The following DNMT3A variants were observed in gnomAD, a reference collection of about 807,000 sequenced individuals.
DNMT3A encodes the protein DNA methyltransferase 3 alpha.
A neutral mutation model predicts 117.6 loss-of-function variants in DNMT3A; 267 were observed. That is an observed-to-expected ratio of 2.27 (90% CI 2.05 to 2.51). The LOEUF (loss-of-function observed/expected upper bound fraction) is 2.51. Among genes scored for constraint, DNMT3A ranks in the 30% most tolerant of loss-of-function variants. The pLI is 0.00. For synonymous variants in DNMT3A, 432 were observed against 474.8 expected (o/e 0.91, Z 1.17); for missense variants, 1,029 against 1,260.2 (o/e 0.82, Z 2.78).
In DNMT3A at chr2:25,327,678, A is replaced by C. The variant is rs1332550598; in HGVS notation, c.-177-13517T>G. Among the ~76,000 whole-genome samples, 2 of 152,238 alleles carry C rather than the reference A, an allele frequency of 1.3e-5. No individual in the cohort carries two copies. Among genetic ancestry groups the C allele is most frequent in the African/African-American group, 4.8e-5 (2 of 41,464 alleles). ...TGCTCTTCCTCTAAGACACCTGGGC[A>C]TAAGTTAACATACGCCTCCTACTGC... On this transcript the variant is annotated intron_variant, in intron 1 of 22. Transcript: ENST00000321117. This position sits in a 1 kb window ranked among gnomAD's most constrained non-coding sequence, Gnocchi z 4.1.
chr2:25,307,655 G>A (rs971391148), intron 2 of DNMT3A, among the ~76,000 whole-genome samples: 11 of 151,876 alleles, frequency 7.2e-5, no homozygotes, highest in Non-Finnish European at 1.0e-4. Context: ...TAGTAGAGAC[G>A]GGGTTTTGCC....
intron 13 of DNMT3A, 79 bp from the exon 14 acceptor site, chr2:25,244,731 G>T: frequency 8.4e-7 from 1 of 1,189,698 alleles, no homozygotes; most frequent in Non-Finnish European, 1.2e-6. Flanking sequence ...TCCACACCTG[G>T]CCTCACAGAG....
Position 25,314,106 on chromosome 2 carries a change from C to A in DNMT3A, c.-122G>T, listed in dbSNP as rs1204833877. On this transcript the variant is annotated 5_prime_UTR_variant, in exon 2 of 23. Coordinates refer to ENST00000321117, the MANE Select transcript of DNMT3A (RefSeq NM_022552.5). The stretch of plus-strand genomic sequence containing the variant: ...CTTAAACATAGATCCCGGTGTTGAG[C>A]CCTCTGGTGAACGGTGCCTCTGTCA... 1 of 1,433,064 alleles carries A rather than the reference C, an allele frequency of 7.0e-7. No homozygotes were observed. The highest frequency in any genetic ancestry group is 2.6e-5 in the East Asian group (1 of 39,182). The allele number at this position is 1,433,064 out of a possible 1,614,324, so 88.8% of individuals were successfully genotyped here.
intron 1 of DNMT3A, among the ~76,000 whole-genome samples, chr2:25,329,327 T>C (rs988817060): frequency 6.6e-6 from 1 of 152,112 alleles, no homozygotes; most frequent in African/African-American, 2.4e-5. Context: ...AGAGTCCCTA[T>C]TTCATAAGTC....
chr2:25,257,592 T>A lies in DNMT3A; in HGVS notation c.640-9340A>T, dbSNP rs982458109. ...CTGTAAGGGGCTCTCCAGAAGCTCC[T>A]GGAAGCCCGGAGAGGCCAGTCAATC... is the stretch of plus-strand genomic sequence containing the variant. On this transcript the variant is annotated intron_variant, in intron 6 of 22. Transcript: ENST00000321117. The surrounding 1 kb of genome is among the most constrained non-coding windows in gnomAD (Gnocchi z 4.8). Among the ~76,000 whole-genome samples, 1 of 152,192 alleles carries A rather than the reference T, an allele frequency of 6.6e-6. No individual in the cohort carries two copies. The highest frequency in any genetic ancestry group is 2.4e-5 in the African/African-American group (1 of 41,440).
chr2:25,273,296 G>C (rs2031099799), intron 6 of DNMT3A, among the ~76,000 whole-genome samples: 1 of 152,060 alleles, frequency 6.6e-6, no homozygotes, highest in African/African-American at 2.4e-5. Flanking sequence ...ATTTTTGGTA[G>C]AGACAGGGGT....
rs1485285541 is a variant in DNMT3A, at chr2:25,337,785, T to G, written c.-178+4041A>C. On this transcript the variant is annotated intron_variant, in intron 1 of 22. Coordinates refer to ENST00000321117, the MANE Select transcript of DNMT3A (RefSeq NM_022552.5). The surrounding 1 kb of genome is among the most constrained non-coding windows in gnomAD (Gnocchi z 5.0). The stretch of plus-strand genomic sequence containing the variant: ...ATTTGGTCATGTTCTTAGGGAAAAA[T>G]CGTCAGAGAGAAATGATTGAAAATG... 6.6e-6 allele frequency among the ~76,000 whole-genome samples: 1 copy of G among 151,908 alleles called. No individual in the cohort carries two copies. Among genetic ancestry groups the G allele is most frequent in the Admixed American group, 6.6e-5 (1 of 15,254 alleles).
rs951366262 is a variant in DNMT3A at position 25,305,928 on chromosome 2, CA to C, written c.73-5686del. 8.5e-5 allele frequency among the ~76,000 whole-genome samples: 13 copies of C among 152,210 alleles called. No homozygotes were observed. The highest frequency in any genetic ancestry group is 3.1e-4 in the African/African-American group (13 of 41,456). On this transcript the variant is annotated intron_variant, in intron 2 of 22. Coordinates refer to ENST00000321117, the MANE Select transcript of DNMT3A (RefSeq NM_022552.5). This position sits in a 1 kb window ranked among gnomAD's most constrained non-coding sequence, Gnocchi z 4.1. ...TGCTACTGACCCAGCATCGGTTGAG[CA>C]GATGTCTCGAGTTGGTGCTTGAGTC... is the stretch of plus-strand genomic sequence containing the variant.
intron 2 of DNMT3A, among the ~76,000 whole-genome samples, chr2:25,309,980 C>T (rs1347074020): frequency 2.0e-5 from 3 of 152,072 alleles, no homozygotes; most frequent in South Asian, 4.2e-4. Context: ...GGCGTGAACC[C>T]GGGAGGCAGA....
intron 13 of DNMT3A, 143 bp from the exon 14 acceptor site, chr2:25,244,795 G>A: frequency 1.4e-6 from 1 of 695,512 alleles, no homozygotes; most frequent in South Asian, 1.7e-5. Flanking sequence ...TCAGGCCCCA[G>A]CTGCAGATCT....
In DNMT3A at chr2:25,237,902, T is replaced by C. The variant is rs981990536; in HGVS notation, c.2409-897A>G. ...CCTTCAACGCTGACCTTTTCTGACA[T>C]GTAAGGATATTTAAGGAAGGCTTCC... On this transcript the variant is annotated intron_variant, in intron 20 of 22. Transcript: ENST00000321117. This position sits in a 1 kb window ranked among gnomAD's most constrained non-coding sequence, Gnocchi z 5.4. Among the ~76,000 whole-genome samples, 1 of 152,172 alleles carries C rather than the reference T, an allele frequency of 6.6e-6. No homozygotes were observed. The highest frequency in any genetic ancestry group is 1.5e-5 in the Non-Finnish European group (1 of 68,020).
rs747218775 is a variant in DNMT3A, at chr2:25,337,461, C to T, written c.-178+4365G>A. 1.3e-5 allele frequency among the ~76,000 whole-genome samples: 2 copies of T among 152,218 alleles called. No homozygotes were observed. The highest frequency in any genetic ancestry group is 2.4e-5 in the African/African-American group (1 of 41,454). Reference sequence around the variant, plus strand: ...CACAACCACCTGTAAGCAGAATCCACGCACACTCCCATGTTACAGGTGAGG... The same window carrying T: ...CACAACCACCTGTAAGCAGAATCCATGCACACTCCCATGTTACAGGTGAGG... On this transcript the variant is annotated intron_variant, in intron 1 of 22. Coordinates refer to ENST00000321117, the MANE Select transcript of DNMT3A (RefSeq NM_022552.5). This position sits in a 1 kb window ranked among gnomAD's most constrained non-coding sequence, Gnocchi z 5.0.
Position 25,250,662 on chromosome 2 carries a change from C to G in DNMT3A, c.640-2410G>C, listed in dbSNP as rs569352724. ...TCCTCAGCTGCGTCAGCTACCCTCGCAGAGGAGCCCACACCACGCCGCTGC... is the reference window on the plus strand; with the variant it reads ...TCCTCAGCTGCGTCAGCTACCCTCGGAGAGGAGCCCACACCACGCCGCTGC... On this transcript the variant is annotated intron_variant, in intron 6 of 22. Coordinates refer to ENST00000321117, the MANE Select transcript of DNMT3A (RefSeq NM_022552.5). Among the ~76,000 whole-genome samples, 8 of 152,334 alleles carry G rather than the reference C, an allele frequency of 5.3e-5. No individual in the cohort carries two copies. The South Asian group carries it at 1.7e-3, about 32-fold the overall frequency.
At chr2:25,334,052 T>C (rs1573512163) in intron 1 of DNMT3A, among the ~76,000 whole-genome samples, 1 of 152,206 alleles carries the variant, frequency 6.6e-6, no homozygotes, top group South Asian at 2.1e-4. Flanking sequence ...TAGGTCCTTT[T>C]ATGTCTGTTC....
chr2:25,288,008 G>C (rs2032442452), intron 3 of DNMT3A, among the ~76,000 whole-genome samples: 1 of 151,632 alleles, frequency 6.6e-6, no homozygotes. Flanking sequence ...CTAACTTTTT[G>C]TATTTTTGGT....
chr2:25,313,426 C>T (rs2034224648), intron 2 of DNMT3A, among the ~76,000 whole-genome samples: 1 of 152,200 alleles, frequency 6.6e-6, no homozygotes, highest in South Asian at 2.1e-4. Flanking sequence ...CAGCCTGTGC[C>T]TCCGTCTGTG....
chr2:25,241,544 C>T lies in DNMT3A; in HGVS notation c.2082+18G>A. 6.2e-7 allele frequency: 1 copy of T among 1,604,936 alleles called. No homozygotes were observed. The highest frequency in any genetic ancestry group is 1.1e-5 in the South Asian group (1 of 90,404). ...GCAGGGAGGGGAAGACGGGCTGCGC[C>T]CCACAGCATGGACATACATGCTTCT... On this transcript the variant is annotated intron_variant, in intron 17 of 22. Coordinates refer to ENST00000321117, the MANE Select transcript of DNMT3A (RefSeq NM_022552.5).
intron 6 of DNMT3A, 99 bp from the exon 7 acceptor site, chr2:25,248,351 T>C: frequency 7.4e-7 from 1 of 1,353,324 alleles, no homozygotes; most frequent in Non-Finnish European, 1.0e-6. Context: ...CCCGGAACAG[T>C]GACAGAAGGT....
At chr2:25,326,118 G>C (rs997152484) in intron 1 of DNMT3A, among the ~76,000 whole-genome samples, 3 of 140,780 alleles carry the variant, frequency 2.1e-5, no homozygotes, top group Admixed American at 1.4e-4. Flanking sequence ...ATGTGTGTGT[G>C]TGTGTGTGTG....
Sources: gnomAD v4.1 joint callset for allele counts (sites outside exome capture counted in the v4.1 genomes callset) on GRCh38, gnomAD v4.1.1 for gene constraint, Gnocchi (gnomAD v3.1) non-coding constraint, MANE v1.5 for transcripts, NCBI Gene and HGNC (gene_info 2026-07-23, HGNC 2026-07-21) for gene names.